Variants in VIL1 observed in about 807,000 individuals in gnomAD.
VIL1 encodes villin 1.
Under a neutral mutation model 104.0 loss-of-function variants are expected in VIL1, and 86 were observed. The ratio of observed to expected loss-of-function variants is 0.83; its 90% CI spans 0.69 to 0.99. The LOEUF is 0.99. Among genes scored for constraint, VIL1 ranks in the 50% least tolerant of loss-of-function variants. VIL1 has a pLI of 0.00. For missense variants in VIL1, 944 were observed against 1,054.1 expected (o/e 0.90, Z 1.45); for synonymous variants, 394 against 412.6 (o/e 0.95, Z 0.55).
Position 218,427,951 on chromosome 2 carries a change from A to C in VIL1, c.348-14A>C. ...CCAGCCCACTTCCTTGGGTCAGCTC[A>C]CCTCTCTTCTCAGGATCCGGAAAGG... On this transcript the variant is annotated splice_polypyrimidine_tract_variant and intron_variant, in intron 4 of 19. Transcript: ENST00000248444. 2.5e-6 allele frequency: 4 copies of C among 1,612,590 alleles called. No homozygotes were observed. The highest frequency in any genetic ancestry group is 2.5e-6 in the Non-Finnish European group (3 of 1,179,180).
chr2:218,431,647 T>C (rs1010665155), intron 10 of VIL1, among the ~76,000 whole-genome samples: 1 of 152,146 alleles, frequency 6.6e-6, no homozygotes, highest in African/African-American at 2.4e-5. Flanking sequence ...CCTGGCTCCC[T>C]GGGAGCAGGA....
chr2:218,434,737 G>A (rs377034168), intron 14 of VIL1, 32 bp downstream of exon 14: 14 of 1,578,176 alleles, frequency 8.9e-6, no homozygotes, highest in African/African-American at 5.4e-5. Flanking sequence ...CTCCCCATCC[G>A]CAAGTGGGTC....
At position 218,425,692 on chromosome 2, in the gene VIL1, G is replaced by A. The variant is rs1055281942; in HGVS notation, c.228G>A (p.Gly76=). Residue 76 remains glycine, a synonymous_variant, in exon 4 of 20, where the codon GGG becomes GGA. Coordinates refer to ENST00000248444, the MANE Select transcript of VIL1 (RefSeq NM_007127.3). Reference sequence around the variant, plus strand: ...AGGACTCATCCCTGGATGAGCAGGGGGCAGCTGCCATCTACACCACACAGA... The same window carrying A: ...AGGACTCATCCCTGGATGAGCAGGGAGCAGCTGCCATCTACACCACACAGA... The part of the protein sequence containing the change: ...IGQDSSLDEQ[G]AAAIYTTQMD... The A allele has an allele frequency of 3.2e-5, 52 of 1,614,092 alleles. 1 individual carries two copies. The highest frequency in any genetic ancestry group is 8.5e-6 in the Non-Finnish European group (10 of 1,180,056).
intron 1 of VIL1, among the ~76,000 whole-genome samples, chr2:218,421,883 ACC>A (rs1164771137): frequency 6.6e-6 from 1 of 151,952 alleles, no homozygotes; most frequent in Non-Finnish European, 1.5e-5. Context: ...GATTTAGTTA[ACC>A]CCCTAAGTTG....
At chr2:218,427,150 T>A (rs1455287552) in intron 4 of VIL1, among the ~76,000 whole-genome samples, 1 of 152,208 alleles carries the variant, frequency 6.6e-6, no homozygotes, top group Non-Finnish European at 1.5e-5. Context: ...TAGGACAGGC[T>A]GAGGGCTCTC....
In VIL1 at chr2:218,425,820, G is replaced by A; in HGVS notation, c.347+9G>A. On this transcript the variant is annotated intron_variant, in intron 4 of 19. Transcript: ENST00000248444. ...TTCAAGCAAGGCCTTGTGTAGGGAG[G>A]GTGGGCTGCAGGCCGGGGGAATGAG... 1 of 1,599,252 alleles carries A rather than the reference G, an allele frequency of 6.3e-7. No homozygotes were observed. Among genetic ancestry groups the A allele is most frequent in the Non-Finnish European group, 8.5e-7 (1 of 1,171,500 alleles).
At position 218,429,643 on chromosome 2, in the gene VIL1, C is replaced by G. The variant is rs752188301; in HGVS notation, c.817C>G (p.Arg273Gly). 6.2e-7 allele frequency: 1 copy of G among 1,614,072 alleles called. No individual in the cohort carries two copies. Among genetic ancestry groups the G allele is most frequent in the Non-Finnish European group, 8.5e-7 (1 of 1,180,030 alleles). The stretch of plus-strand genomic sequence containing the variant: ...TCTGGTGGTGAGGGAAGTCGCCACA[C>G]GGCCACTGACACAGGACCTGCTCAG... ...GNLVVREVATRPLTQDLLSHE... is the reference protein window; with the variant it reads ...GNLVVREVATGPLTQDLLSHE... The change falls in exon 8 of 20, where the codon CGG becomes GGG. Residue 273 changes from arginine to glycine, a missense_variant. Transcript: ENST00000248444.
At chr2:218,430,635 A>G in intron 9 of VIL1, 90 bp from the exon 10 acceptor site, 1 of 1,470,250 alleles carries the variant, frequency 6.8e-7, no homozygotes, top group East Asian at 2.4e-5. Context: ...CTGATGGTGG[A>G]TCTGGTTAGG....
chr2:218,428,023 G>T lies in VIL1; in HGVS notation c.406G>T (p.Val136Phe), dbSNP rs779057580. 1.9e-6 allele frequency: 3 copies of T among 1,614,124 alleles called. No homozygotes were observed. The Admixed American group carries it at 5.0e-5, about 27-fold the overall frequency. Residue 136 changes from valine to phenylalanine, a missense_variant, in exon 5 of 20, where the codon GTC (valine) becomes TTC (phenylalanine). By Grantham distance (50) the Val-to-Phe change is conservative. Coordinates refer to ENST00000248444, the MANE Select transcript of VIL1 (RefSeq NM_007127.3). The stretch of plus-strand genomic sequence containing the variant: ...GCACGTGGAGACCAACTCCTATGAC[G>T]TCCAGAGGCTGCTGCATGTCAAGGG... ...MKHVETNSYD[V>F]QRLLHVKGKR...
chr2:218,448,631 T>C (rs41461846), intron 19 of VIL1, among the ~76,000 whole-genome samples: 42,432 of 151,884 alleles, frequency 0.28, 7,497 homozygotes, highest in Non-Finnish European at 0.39. Context: ...GTCCTAATTC[T>C]TATTTGGGCT....
At chr2:218,440,594 G>A in intron 18 of VIL1, 128 bp from the exon 19 acceptor site, 1 of 1,093,802 alleles carries the variant, frequency 9.1e-7, no homozygotes, top group Non-Finnish European at 1.3e-6. Flanking sequence ...GAGTGTGTGT[G>A]TGGCAGGGTG....
chr2:218,435,415 C>T lies in VIL1; in HGVS notation c.1807C>T (p.Pro603Ser), dbSNP rs778143741. Residue 603 changes from proline (P) to serine (S), a missense_variant, in exon 15 of 20, where the codon CCC becomes TCC. Physicochemically the swap from Pro to Ser is moderately conservative, Grantham distance 74. Coordinates refer to ENST00000248444, the MANE Select transcript of VIL1 (RefSeq NM_007127.3). ...NFWMALGGKA[P>S]YANTKRLQEE... The stretch of plus-strand genomic sequence containing the variant: ...CTGGATGGCCCTGGGTGGGAAGGCC[C>T]CCTATGCCAACACCAAGAGGTAACT... 2 of 1,613,942 alleles carry T rather than the reference C, an allele frequency of 1.2e-6. No individual in the cohort carries two copies. The highest frequency in any genetic ancestry group is 1.7e-6 in the Non-Finnish European group (2 of 1,179,892).
intron 1 of VIL1, among the ~76,000 whole-genome samples, chr2:218,421,632 A>AG (rs1688900122): frequency 6.6e-6 from 1 of 152,090 alleles, no homozygotes; most frequent in South Asian, 2.1e-4. Flanking sequence ...TACACCAGGT[A>AG]GGGGGGCCAC....
At chr2:218,447,672 C>T (rs1689388471) in intron 19 of VIL1, among the ~76,000 whole-genome samples, 2 of 152,124 alleles carry the variant, frequency 1.3e-5, no homozygotes, top group Admixed American at 6.6e-5. Flanking sequence ...TAGGGCTCAT[C>T]TGCTTACTTT....
intron 8 of VIL1, 45 bp downstream of exon 8, chr2:218,429,720 C>T (rs751080279): frequency 3.5e-5 from 57 of 1,611,004 alleles, no homozygotes; most frequent in Non-Finnish European, 4.8e-5. Context: ...GCCTGGCCCC[C>T]TTTCCCTCAA....
chr2:218,443,554 A>T (rs975817039), intron 19 of VIL1, among the ~76,000 whole-genome samples: 7 of 152,096 alleles, frequency 4.6e-5, no homozygotes, highest in African/African-American at 1.7e-4. Context: ...GGATTGATGG[A>T]AGGCAGAAAT....
chr2:218,446,786 CAG>C (rs1468297983), intron 19 of VIL1, among the ~76,000 whole-genome samples: 2 of 108,730 alleles, frequency 1.8e-5, no homozygotes, highest in Admixed American at 9.1e-5. Flanking sequence ...TTTTTTGAGA[CAG>C]AGTCCCGCTC....
At chr2:218,425,317 G>T (rs1688961060) in intron 3 of VIL1, among the ~76,000 whole-genome samples, 1 of 152,184 alleles carries the variant, frequency 6.6e-6, no homozygotes, top group African/African-American at 2.4e-5. Flanking sequence ...CTGACCTCAG[G>T]TGATCCACTT....
At chr2:218,436,845 T>C (rs893234618) in intron 16 of VIL1, among the ~76,000 whole-genome samples, 2 of 152,248 alleles carry the variant, frequency 1.3e-5, no homozygotes, top group East Asian at 3.8e-4. Context: ...CCCAAAGTCC[T>C]ATTTATTTCA....
Sources: allele counts gnomAD v4.1 joint callset (sites outside exome capture counted in the v4.1 genomes callset), GRCh38; gene constraint gnomAD v4.1.1; transcripts MANE v1.5; gene names NCBI Gene and HGNC (gene_info 2026-07-23, HGNC 2026-07-21).